Variants in CAMK1D observed in about 807,000 individuals in gnomAD.
The protein encoded by CAMK1D is calcium/calmodulin-dependent protein kinase type 1D.
In CAMK1D, 9 loss-of-function variants were observed where a neutral mutation model predicts 47.7. That is an observed-to-expected ratio of 0.19 (90% CI 0.11 to 0.33). CAMK1D has a LOEUF of 0.33. CAMK1D is among the 10% of genes least tolerant of loss of function. The probability of loss-of-function intolerance (pLI) is 1.00; values close to 1 mark genes in which losing one functional copy is unlikely to be tolerated. For missense variants in CAMK1D, 291 were observed against 488.7 expected (o/e 0.60, Z 3.81); for synonymous variants, 184 against 184.9 (o/e 0.99, Z 0.04).
At chr10:12,735,553 C>T (rs753628134) in intron 3 of CAMK1D, among the ~76,000 whole-genome samples, 11 of 152,184 alleles carry the variant, frequency 7.2e-5, no homozygotes, top group Non-Finnish European at 1.3e-4. Flanking sequence ...TCGGTCTCTT[C>T]GCCACTGCCC....
chr10:12,446,838 T>C (rs1241278607), intron 1 of CAMK1D, among the ~76,000 whole-genome samples: 1 of 152,226 alleles, frequency 6.6e-6, no homozygotes, highest in Non-Finnish European at 1.5e-5. Flanking sequence ...TGTCAGATAC[T>C]GTGTGCTGTA....
intron 1 of CAMK1D, among the ~76,000 whole-genome samples, chr10:12,385,426 T>C (rs986905937): frequency 6.6e-6 from 1 of 152,240 alleles, no homozygotes; most frequent in African/African-American, 2.4e-5. Context: ...TAAAAATGAA[T>C]TAAGCATTGA....
intron 2 of CAMK1D, among the ~76,000 whole-genome samples, chr10:12,661,868 T>C (rs746585377): frequency 9.2e-5 from 14 of 152,262 alleles, no homozygotes; most frequent in South Asian, 8.3e-4. Context: ...TAGTGGTTGC[T>C]AGGAGCTAAC....
At chr10:12,404,787 T>C (rs1892303) in intron 1 of CAMK1D, among the ~76,000 whole-genome samples, 107,704 of 151,138 alleles carry the variant, frequency 0.71, 38,540 homozygotes, top group Middle Eastern at 0.76. Flanking sequence ...CTCTGCCTCG[T>C]GGGTGATTCT....
At chr10:12,401,089 T>C (rs867348945) in intron 1 of CAMK1D, among the ~76,000 whole-genome samples, 17 of 72,202 alleles carry the variant, frequency 2.4e-4, no homozygotes, top group East Asian at 1.5e-3. Flanking sequence ...ATATGTATTA[T>C]ATATATTATA....
chr10:12,573,448 C>T (rs1837389358), intron 2 of CAMK1D, among the ~76,000 whole-genome samples: 1 of 152,156 alleles, frequency 6.6e-6, no homozygotes. Context: ...AGCTGTGAGG[C>T]AGGACATCAT....
At chr10:12,715,181 T>C (rs1834081372) in intron 3 of CAMK1D, among the ~76,000 whole-genome samples, 1 of 152,206 alleles carries the variant, frequency 6.6e-6, no homozygotes, top group Admixed American at 6.5e-5. Context: ...CTACCACGTA[T>C]GAGTCGTCAC....
At chr10:12,574,918 A>T (rs1047899884) in intron 2 of CAMK1D, among the ~76,000 whole-genome samples, 5 of 152,028 alleles carry the variant, frequency 3.3e-5, no homozygotes, top group African/African-American at 1.2e-4. Flanking sequence ...ACGAGAACTC[A>T]CTATGAGGAG....
chr10:12,428,974 G>A (rs1840346499), intron 1 of CAMK1D, among the ~76,000 whole-genome samples: 1 of 152,180 alleles, frequency 6.6e-6, no homozygotes, highest in South Asian at 2.1e-4. Context: ...GCCTCCAACC[G>A]TGGGAAGTCA....
intron 1 of CAMK1D, among the ~76,000 whole-genome samples, chr10:12,465,230 A>T (rs879714772): frequency 1.3e-4 from 20 of 152,250 alleles, no homozygotes; most frequent in Non-Finnish European, 1.9e-4. Flanking sequence ...TCAGCCATTA[A>T]TTATAGATAA....
intron 1 of CAMK1D, among the ~76,000 whole-genome samples, chr10:12,359,524 GT>G (rs113839973): frequency 8.9e-4 from 128 of 144,372 alleles, no homozygotes; most frequent in Middle Eastern, 7.4e-3. Context: ...TAGCTTCTCG[GT>G]TTTTTTTTTT....
chr10:12,628,887 G>A (rs747792637), intron 2 of CAMK1D, among the ~76,000 whole-genome samples: 4 of 152,148 alleles, frequency 2.6e-5, no homozygotes, highest in Non-Finnish European at 4.4e-5. Flanking sequence ...CATACAATAT[G>A]TAGTCTTTCA....
intron 2 of CAMK1D, among the ~76,000 whole-genome samples, chr10:12,647,598 C>A (rs1444093895): frequency 6.6e-6 from 1 of 152,090 alleles, no homozygotes; most frequent in Admixed American, 6.6e-5. Context: ...GGCTGACTTT[C>A]AGTTGGGCGG....
At chr10:12,489,102 A>G (rs1309957057) in intron 1 of CAMK1D, among the ~76,000 whole-genome samples, 1 of 151,786 alleles carries the variant, frequency 6.6e-6, no homozygotes, top group African/African-American at 2.4e-5. Context: ...TGCCTGGCTA[A>G]TTTTTTTATA....
intron 2 of CAMK1D, among the ~76,000 whole-genome samples, chr10:12,612,872 A>T: frequency 6.6e-6 from 1 of 152,250 alleles, no homozygotes; most frequent in East Asian, 1.9e-4. Context: ...CCTCAAATTG[A>T]TGTAGTCTTG....
intron 1 of CAMK1D, among the ~76,000 whole-genome samples, chr10:12,545,453 TAAAAAAAA>T (rs59666684): frequency 1.9e-5 from 1 of 52,300 alleles, no homozygotes; most frequent in African/African-American, 8.4e-5. Context: ...CATCTCACAG[TAAAAAAAA>T]AAAAAAAAAA....
At chr10:12,802,215 C>T (rs1292937410) in intron 6 of CAMK1D, among the ~76,000 whole-genome samples, 1 of 152,192 alleles carries the variant, frequency 6.6e-6, no homozygotes, top group Non-Finnish European at 1.5e-5. Context: ...TCCAATTTCT[C>T]CCCATCAGCG....
rs3061400 is a variant in CAMK1D, at chr10:12,406,722, C to CAAAAA, written c.92+56838_92+56842dup. 5.2e-3 allele frequency among the ~76,000 whole-genome samples: 357 copies of CAAAAA among 69,100 alleles called. 15 individuals are homozygous for CAAAAA. The highest frequency in any genetic ancestry group is 7.3e-3 in the East Asian group (15 of 2,048). The allele number at this position is 69,100 out of a possible 152,430, so 45.3% of individuals were successfully genotyped here. A position where few individuals can be genotyped will look rare whatever the true frequency, so the allele number is the denominator to read the frequency against. ...TGGGTGACAAAATGAGACCCTGTCT[C>CAAAAA]AAAAAAAAAAAAAAAAAAAAAAAAA... On this transcript the variant is annotated intron_variant, in intron 1 of 10. Coordinates refer to ENST00000619168, the MANE Select transcript of CAMK1D (RefSeq NM_153498.4).
intron 1 of CAMK1D, among the ~76,000 whole-genome samples, chr10:12,403,076 A>G (rs1839285721): frequency 3.3e-5 from 5 of 151,890 alleles, no homozygotes; most frequent in Non-Finnish European, 7.4e-5. Context: ...TACTTAAGCA[A>G]TTTATGTTGA....
Sources: gnomAD v4.1 joint callset for allele counts (sites outside exome capture counted in the v4.1 genomes callset) on GRCh38, gnomAD v4.1.1 for gene constraint, MANE v1.5 for transcripts, NCBI Gene and HGNC (gene_info 2026-07-23, HGNC 2026-07-21) for gene names.